Variants in ANKRD36B observed in about 807,000 individuals in gnomAD.
The protein encoded by ANKRD36B is ankyrin repeat domain-containing protein 36B.
ANKRD36B carries 37 observed loss-of-function variants against 135.7 expected under a neutral mutation model. The observed-to-expected ratio is 0.27, with a 90% CI of 0.21 to 0.36. The LOEUF (loss-of-function observed/expected upper bound fraction) is 0.36. Ranked by LOEUF, ANKRD36B falls within the 10% of genes least tolerant of loss-of-function variation. ANKRD36B has a pLI of 1.00. For missense variants in ANKRD36B, 549 were observed against 1,037.1 expected (o/e 0.53, Z 6.46); for synonymous variants, 179 against 348.1 (o/e 0.51, Z 5.41).
At position 97,549,587 on chromosome 2, in the gene ANKRD36B, T is replaced by A; in HGVS notation, c.1403A>T (p.Lys468Met). The A allele has an allele frequency of 1.2e-6, 2 of 1,608,920 alleles. No individual in the cohort carries two copies. Among genetic ancestry groups the A allele is most frequent in the Non-Finnish European group, 1.7e-6 (2 of 1,177,962 alleles). ...TVSSQKPPAL[K>M]ATSVKEDSVL... ...CAATATAAATGAGAGTTTCATTACC[T>A]TCAAGGCTGGTGGTTTCTGAGAAGA... Residue 468 changes from lysine to methionine, a missense_variant and splice_region_variant, in exon 19 of 44, where the codon AAG (lysine) becomes ATG (methionine). Transcript: ENST00000359901.
In ANKRD36B at chr2:97,571,645, CA is replaced by C. The variant is rs200560085; in HGVS notation, c.763+4733del. ...TGGGCAACAGAGCGAGACTCAGTCT[CA>C]AAAAAAAATCTATTAATAAAAACAT... On this transcript the variant is annotated intron_variant, in intron 6 of 43. Transcript: ENST00000359901. Among the ~76,000 whole-genome samples, 118 of 150,356 alleles carry C rather than the reference CA, an allele frequency of 7.8e-4. 1 individual carries two copies. In the East Asian group the frequency reaches 0.022, roughly 28 times the overall value.
Position 97,585,109 on chromosome 2 carries a change from T to C in ANKRD36B, c.285A>G (p.Gln95=). The stretch of plus-strand genomic sequence containing the variant: ...GAGTTGCACAAGCCTCCTGCCTCAG[T>C]TGTACAGCCTGTCAGTATTAGACCG... ...EDRTPLIKAV[Q]LRQEACATLL... Residue 95 remains glutamine (Q), a synonymous_variant, in exon 3 of 44, where the codon CAA becomes CAG. Transcript: ENST00000359901. 6.2e-7 allele frequency: 1 copy of C among 1,613,574 alleles called. No individual in the cohort carries two copies. Among genetic ancestry groups the C allele is most frequent in the South Asian group, 1.1e-5 (1 of 91,042 alleles).
chr2:97,551,395 G>T, intron 17 of ANKRD36B, 34 bp from the exon 18 acceptor site: 1 of 1,604,306 alleles, frequency 6.2e-7, no homozygotes, highest in African/African-American at 1.3e-5. Flanking sequence ...AATAAATAAG[G>T]TATGTTTCAT....
intron 8 of ANKRD36B, among the ~76,000 whole-genome samples, chr2:97,559,615 T>C (rs369278440): frequency 2.0e-5 from 3 of 151,962 alleles, no homozygotes; most frequent in Non-Finnish European, 2.9e-5. Flanking sequence ...CTAGTTTAGC[T>C]TTCTGAAAGT....
chr2:97,575,999 A>G (rs1373122890), intron 6 of ANKRD36B, among the ~76,000 whole-genome samples: 2 of 150,910 alleles, frequency 1.3e-5, no homozygotes, highest in Non-Finnish European at 3.0e-5. Flanking sequence ...GTAATTATTG[A>G]TTCATTTAGT....
At chr2:97,577,630 AC>A (rs2082315490) in intron 5 of ANKRD36B, among the ~76,000 whole-genome samples, 1 of 149,706 alleles carries the variant, frequency 6.7e-6, no homozygotes, top group Non-Finnish European at 1.5e-5. Context: ...ACAAAGCCTT[AC>A]TTTTACATAT....
At chr2:97,561,292 T>A (rs1306122260) in intron 6 of ANKRD36B, among the ~76,000 whole-genome samples, 1 of 151,968 alleles carries the variant, frequency 6.6e-6, no homozygotes, top group Non-Finnish European at 1.5e-5. Context: ...CAAACATTCA[T>A]CATGCTTTTT....
intron 6 of ANKRD36B, among the ~76,000 whole-genome samples, chr2:97,570,837 T>C: frequency 6.6e-6 from 1 of 152,128 alleles, no homozygotes; most frequent in South Asian, 2.1e-4. Context: ...AACACAGAGG[T>C]GGTCTTGGAA....
intron 16 of ANKRD36B, among the ~76,000 whole-genome samples, chr2:97,551,712 C>G (rs182907771): frequency 2.9e-4 from 44 of 151,976 alleles, no homozygotes; most frequent in Admixed American, 2.1e-3. Flanking sequence ...ATTTCTCATA[C>G]GTCGAAAACT....
rs1205161483 is a variant in ANKRD36B, at chr2:97,524,275, G to A, written c.2266-808C>T. 2.7e-4 allele frequency: 25 copies of A among 93,318 alleles called. 5 individuals are homozygous for A. Among genetic ancestry groups the A allele is most frequent in the South Asian group, 7.2e-4 (3 of 4,166 alleles). The allele number at this position is 93,318 out of a possible 1,614,324, so 5.8% of individuals were successfully genotyped here. On this transcript the variant is annotated intron_variant, in intron 35 of 43. Coordinates refer to ENST00000359901, the MANE Select transcript of ANKRD36B (RefSeq NM_001393939.1). ...AATCACTAAATTGAGGCATATGTCCGATGTTTAATTTCCAGTTAGCGGTGT... is the reference window on the plus strand; with the variant it reads ...AATCACTAAATTGAGGCATATGTCCAATGTTTAATTTCCAGTTAGCGGTGT...
intron 40 of ANKRD36B, among the ~76,000 whole-genome samples, chr2:97,508,877 T>A (rs1183720754): frequency 4.0e-4 from 44 of 109,162 alleles, no homozygotes; most frequent in African/African-American, 1.1e-3. Context: ...AACCCAAACA[T>A]CTCAAACCCA....
chr2:97,550,777 G>A (rs919929532), intron 18 of ANKRD36B, among the ~76,000 whole-genome samples: 1 of 151,812 alleles, frequency 6.6e-6, no homozygotes, highest in Non-Finnish European at 1.5e-5. Context: ...TTCCTCAGCA[G>A]TAACCCCAAA....
intron 22 of ANKRD36B, among the ~76,000 whole-genome samples, chr2:97,546,560 C>G (rs1210061550): frequency 6.6e-6 from 1 of 151,714 alleles, no homozygotes; most frequent in Non-Finnish European, 1.5e-5. Flanking sequence ...AAGATATCAT[C>G]AATTATCAAC....
At chr2:97,560,513 G>C (rs2080922743) in intron 8 of ANKRD36B, among the ~76,000 whole-genome samples, 152 bp downstream of exon 8, 1 of 151,834 alleles carries the variant, frequency 6.6e-6, no homozygotes, top group Non-Finnish European at 1.5e-5. Flanking sequence ...AGCAGTATCA[G>C]AGTCACCTGA....
At chr2:97,584,535 T>C (rs1356523667) in intron 3 of ANKRD36B, among the ~76,000 whole-genome samples, 21 of 152,010 alleles carry the variant, frequency 1.4e-4, no homozygotes, top group African/African-American at 4.6e-4. Flanking sequence ...AACATGTACA[T>C]TTATTGTGAA....
Position 97,529,253 on chromosome 2 carries a change from G to A in ANKRD36B, c.2265+3058C>T, listed in dbSNP as rs369162921. Among the ~76,000 whole-genome samples the A allele has an allele frequency of 4.2e-5, 4 of 94,902 alleles. 2 individuals carry two copies. The highest frequency in any genetic ancestry group is 1.3e-4 in the African/African-American group (4 of 31,528). The allele number at this position is 94,902 out of a possible 152,430, so 62.3% of individuals were successfully genotyped here. On this transcript the variant is annotated intron_variant, in intron 35 of 43. Transcript: ENST00000359901. The stretch of plus-strand genomic sequence containing the variant: ...GGGATGCAAGGCTGGTTCAATATAC[G>A]CAAATCAATAAATGTAATCCAGCTT...
In ANKRD36B at chr2:97,533,711, T is replaced by G. The variant is rs1294140776; in HGVS notation, c.2192-1327A>C. 3.2e-5 allele frequency among the ~76,000 whole-genome samples: 3 copies of G among 94,660 alleles called. 1 individual carries two copies. The highest frequency in any genetic ancestry group is 5.6e-5 in the Non-Finnish European group (2 of 35,832). 62.1% of individuals were successfully genotyped at this position (94,660 alleles called of 152,430 possible). A position where few individuals can be genotyped will look rare whatever the true frequency, so the allele number is the denominator to read the frequency against. ...TTGCTTGTATCCTGCAGTTTGGCCC[T>G]GTCAAGAACTTTCTGAATCCACTCA... On this transcript the variant is annotated intron_variant, in intron 34 of 43. Transcript: ENST00000359901.
intron 8 of ANKRD36B, 86 bp from the exon 9 acceptor site, chr2:97,559,080 G>A (rs1054707285): frequency 1.3e-6 from 2 of 1,573,586 alleles, no homozygotes; most frequent in Non-Finnish European, 1.7e-6. Flanking sequence ...GCATCAAGCT[G>A]TATCTTCCTG....
intron 31 of ANKRD36B, 32 bp from the exon 32 acceptor site, chr2:97,538,272 C>G (rs1195330314): frequency 2.1e-6 from 2 of 945,896 alleles, no homozygotes; most frequent in South Asian, 1.3e-5. Flanking sequence ...ATAGTCAATA[C>G]ATAATATATA....
Sources: allele counts gnomAD v4.1 joint callset (sites outside exome capture counted in the v4.1 genomes callset), GRCh38; gene constraint gnomAD v4.1.1; transcripts MANE v1.5; gene names NCBI Gene and HGNC (gene_info 2026-07-23, HGNC 2026-07-21).